SEM1: variants seen among roughly 807,000 people sequenced by gnomAD.
The protein encoded by SEM1 is 26S proteasome complex subunit SEM1.
SEM1 carries 3 observed loss-of-function variants against 12.7 expected under a neutral mutation model. The observed-to-expected ratio is 0.24, with a 90% confidence interval of 0.11 to 0.61. The LOEUF (loss-of-function observed/expected upper bound fraction) is 0.61, where lower values mean the gene tolerates loss of function less well. SEM1 is among the 20% of genes least tolerant of loss of function. SEM1 has a pLI of 0.88. For synonymous variants in SEM1, 30 were observed against 27.8 expected (o/e 1.08, Z -0.25); for missense variants, 59 against 81.3 (o/e 0.73, Z 1.06).
chr7:96,638,638 A>C (rs1808501250), intron 2 of SEM1, among the ~76,000 whole-genome samples: 1 of 151,740 alleles, frequency 6.6e-6, no homozygotes. Flanking sequence ...TCTCTTTTTC[A>C]CTCAACAATC....
intron 2 of SEM1, among the ~76,000 whole-genome samples, chr7:96,537,913 T>A (rs535718605): frequency 6.6e-6 from 1 of 151,858 alleles, no homozygotes; most frequent in Non-Finnish European, 1.5e-5. Flanking sequence ...ATTCCAATTA[T>A]GGAGATATTA....
In SEM1 at chr7:96,579,825, C is replaced by T. The variant is rs57796703; in HGVS notation, c.171-73127G>A. 6.7e-3 allele frequency among the ~76,000 whole-genome samples: 1,012 copies of T among 152,152 alleles called. 12 individuals carry two copies. The highest frequency in any genetic ancestry group is 0.023 in the African/African-American group (969 of 41,524). On this transcript the variant is annotated intron_variant and NMD_transcript_variant, in intron 2 of 3. Coordinates refer to the SEM1 transcript ENST00000466986. ...TGATTTTGATATTGAGCTATAGCCA[C>T]CTAAGATGTAAGCAATAGGGGAAAT...
chr7:96,545,322 A>G (rs949096004), intron 2 of SEM1, among the ~76,000 whole-genome samples: 1 of 152,056 alleles, frequency 6.6e-6, no homozygotes, highest in Non-Finnish European at 1.5e-5. Flanking sequence ...AATGGTTCAT[A>G]GTTTTTAAGG....
intron 2 of SEM1, among the ~76,000 whole-genome samples, chr7:96,544,734 T>A (rs1805055936): frequency 6.6e-6 from 1 of 152,012 alleles, no homozygotes; most frequent in Non-Finnish European, 1.5e-5. Context: ...TATATATGTA[T>A]AATATACTAT....
intron 2 of SEM1, among the ~76,000 whole-genome samples, chr7:96,651,649 G>A (rs1808991194): frequency 2.0e-5 from 3 of 152,140 alleles, no homozygotes; most frequent in African/African-American, 7.2e-5. Context: ...TCAGCTTACT[G>A]CAACTTCCAC....
rs76372774 is a variant in SEM1, at chr7:96,587,766, C to A, written c.171-81068G>T. On this transcript the variant is annotated intron_variant and NMD_transcript_variant, in intron 2 of 3. Transcript: ENST00000466986. ...AGTAGGATAGTTTATGGTAAAATAA[C>A]ATATTTTTAAATATTAGAATACACG... Among the ~76,000 whole-genome samples the A allele has an allele frequency of 8.0e-4, 122 of 151,744 alleles. 2 individuals carry two copies. The East Asian group carries it at 0.021, about 26-fold the overall frequency.
chr7:96,582,828 T>C (rs1030272574), intron 2 of SEM1, among the ~76,000 whole-genome samples: 2 of 152,214 alleles, frequency 1.3e-5, no homozygotes, highest in East Asian at 1.9e-4. Flanking sequence ...ATCCCCTTTA[T>C]CATTTTTTAT....
intron 2 of SEM1, among the ~76,000 whole-genome samples, chr7:96,681,114 T>C (rs1789598178): frequency 6.6e-6 from 1 of 152,128 alleles, no homozygotes; most frequent in Non-Finnish European, 1.5e-5. Flanking sequence ...GCTTGGGTGA[T>C]ATATCTTTGA....
intron 2 of SEM1, among the ~76,000 whole-genome samples, chr7:96,638,456 A>G (rs1808495702): frequency 6.6e-6 from 1 of 151,994 alleles, no homozygotes; most frequent in Non-Finnish European, 1.5e-5. Flanking sequence ...AACAATATAT[A>G]TTTTTAAAAT....
At chr7:96,518,066 C>T (rs185076281) in intron 2 of SEM1, among the ~76,000 whole-genome samples, 123 of 152,282 alleles carry the variant, frequency 8.1e-4, no homozygotes, top group Non-Finnish European at 1.4e-3. Flanking sequence ...TTAGAGAACA[C>T]GCAGTATAGG....
chr7:96,509,585 T>A (rs1803867739), intron 2 of SEM1, among the ~76,000 whole-genome samples: 1 of 152,104 alleles, frequency 6.6e-6, no homozygotes, highest in Admixed American at 6.6e-5. Context: ...AAACTACAAT[T>A]TGGACATCCA....
At chr7:96,543,641 T>A (rs1171571048) in intron 2 of SEM1, among the ~76,000 whole-genome samples, 2 of 152,046 alleles carry the variant, frequency 1.3e-5, no homozygotes, top group African/African-American at 4.8e-5. Flanking sequence ...TTATGTATCA[T>A]AGCATTAACC....
chr7:96,532,695 T>C (rs1804676798), intron 2 of SEM1, among the ~76,000 whole-genome samples: 1 of 152,146 alleles, frequency 6.6e-6, no homozygotes, highest in Non-Finnish European at 1.5e-5. Flanking sequence ...ACTGACAGAA[T>C]TTGTTTATAA....
At chr7:96,688,068 T>C (rs922473831), downstream of SEM1, 3 of 152,218 alleles carry the variant, frequency 2.0e-5, no homozygotes, top group East Asian at 5.8e-4. Flanking sequence ...ATTGTAGTTC[T>C]TAGTAACAAC....
chr7:96,669,304 T>C (rs537484928), downstream of SEM1, among the ~76,000 whole-genome samples: 25 of 152,334 alleles, frequency 1.6e-4, 1 homozygote, highest in African/African-American at 5.1e-4. Flanking sequence ...ATGATAGGCT[T>C]TGCAAGTTAC....
At chr7:96,483,863 C>T in exon 4 of SEM1, 7 of 1,536,690 alleles carry the variant, frequency 4.6e-6, no homozygotes, top group Middle Eastern at 1.7e-4. Context: ...ATGCTGCTAG[C>T]AAGTTCTTTC....
intron 1 of SEM1, among the ~76,000 whole-genome samples, chr7:96,487,195 A>G (rs1430328563): frequency 6.7e-6 from 1 of 150,136 alleles, no homozygotes; most frequent in Non-Finnish European, 1.5e-5. Context: ...GTAATCAATT[A>G]ATCAAGAAAA....
At position 96,673,528 on chromosome 7, in the gene SEM1, C is replaced by G. The variant is rs182914906; in HGVS notation, c.*232G>C. On this transcript the variant is annotated 3_prime_UTR_variant, in exon 3 of 3. Transcript: ENST00000413065. ...GTAGCTACAGGAAGTATCATAATCT[C>G]TTACTACCCAACAATACTGCAGTAT... 3.1e-4 allele frequency: 161 copies of G among 524,250 alleles called. 1 individual carries two copies. Among genetic ancestry groups the G allele is most frequent in the South Asian group, 7.7e-4 (29 of 37,732 alleles). The allele number at this position is 524,250 out of a possible 1,614,324, so 32.5% of individuals were successfully genotyped here.
At chr7:96,511,081 C>T (rs919572562) in intron 2 of SEM1, among the ~76,000 whole-genome samples, 9 of 152,048 alleles carry the variant, frequency 5.9e-5, no homozygotes, top group African/African-American at 1.9e-4. Flanking sequence ...TTCAAGCAAA[C>T]GTCCTTGGTA....
Sources: gnomAD v4.1 joint callset for allele counts (sites outside exome capture counted in the v4.1 genomes callset) on GRCh38, gnomAD v4.1.1 for gene constraint, MANE v1.5 for transcripts, NCBI Gene and HGNC (gene_info 2026-07-23, HGNC 2026-07-21) for gene names.